PTPRK: variants seen among roughly 807,000 people sequenced by gnomAD.
PTPRK encodes protein tyrosine phosphatase receptor type K.
PTPRK carries 75 observed loss-of-function variants against 178.0 expected under a neutral mutation model. That is an observed-to-expected ratio of 0.42 (90% CI 0.35 to 0.51). The LOEUF (loss-of-function observed/expected upper bound fraction) is 0.51. Ranked by LOEUF, PTPRK falls within the 20% of genes least tolerant of loss-of-function variation. The pLI is 0.02. For missense variants in PTPRK, 1,441 were observed against 1,797.8 expected, an observed-to-expected ratio of 0.80 and a Z score of 3.59; for synonymous variants, 637 against 620.6, an observed-to-expected ratio of 1.03 and a Z score of -0.39.
rs182277506 is a variant in PTPRK at position 128,239,763 on chromosome 6, A to T, written c.693+272T>A. 2.5e-3 allele frequency among the ~76,000 whole-genome samples: 377 copies of T among 152,336 alleles called. 1 individual carries two copies. Among genetic ancestry groups the T allele is most frequent in the Non-Finnish European group, 4.3e-3 (292 of 68,038 alleles). ...TTCATATTTCAAATGGATCTACAGA[A>T]TTTTTTGCAGTTTGAATATAACAGA... On this transcript the variant is annotated intron_variant, in intron 5 of 29. Coordinates refer to ENST00000368226, the MANE Select transcript of PTPRK (RefSeq NM_002844.4).
intron 6 of PTPRK, among the ~76,000 whole-genome samples, chr6:128,210,085 G>A (rs954270707): frequency 6.6e-6 from 1 of 152,094 alleles, no homozygotes; most frequent in Non-Finnish European, 1.5e-5. Flanking sequence ...CAATAAGTAG[G>A]TTTTTTATAG....
intron 2 of PTPRK, among the ~76,000 whole-genome samples, chr6:128,351,917 A>G (rs891643648): frequency 3.9e-5 from 6 of 152,106 alleles, no homozygotes; most frequent in Non-Finnish European, 8.8e-5. Flanking sequence ...AGTCAGTTTT[A>G]CATTTTTCTA....
Position 127,977,016 on chromosome 6 carries a change from G to A in PTPRK, c.3750C>T (p.Tyr1250=), listed in dbSNP as rs140104338. ...AGTCTTTTACAGTGTTTGGCAGAGG[G>A]TATTGTGTGACGATGAAAGCAGCTG... ...RQPAAFIVTQ[Y]PLPNTVKDFW... Residue 1250 remains tyrosine (Y), a synonymous_variant, in exon 26 of 30, where the codon TAC becomes TAT. Transcript: ENST00000368226. The A allele has an allele frequency of 1.2e-6, 2 of 1,614,010 alleles. No individual in the cohort carries two copies. The highest frequency in any genetic ancestry group is 1.7e-6 in the Non-Finnish European group (2 of 1,179,920).
intron 13 of PTPRK, among the ~76,000 whole-genome samples, chr6:128,040,860 C>A (rs549585597): frequency 6.6e-6 from 1 of 151,938 alleles, no homozygotes; most frequent in Non-Finnish European, 1.5e-5. Flanking sequence ...AGAATGAGCT[C>A]TTGAATACAG....
intron 3 of PTPRK, among the ~76,000 whole-genome samples, chr6:128,244,855 A>G (rs749217708): frequency 6.6e-6 from 1 of 152,190 alleles, no homozygotes; most frequent in Non-Finnish European, 1.5e-5. Flanking sequence ...AGTTTTCCAA[A>G]AAGACCTAGG....
At chr6:128,357,791 T>G (rs1834153847) in intron 2 of PTPRK, among the ~76,000 whole-genome samples, 1 of 152,268 alleles carries the variant, frequency 6.6e-6, no homozygotes, top group African/African-American at 2.4e-5. Flanking sequence ...ATTATGCTGA[T>G]ATTGTAACTA....
chr6:128,406,781 T>G (rs1841708232), intron 1 of PTPRK, among the ~76,000 whole-genome samples: 1 of 152,226 alleles, frequency 6.6e-6, no homozygotes, highest in Admixed American at 6.5e-5. Context: ...TGAATCACAG[T>G]AACTTTCTCC....
chr6:128,332,198 T>C (rs911149458), intron 2 of PTPRK, among the ~76,000 whole-genome samples: 4 of 152,178 alleles, frequency 2.6e-5, no homozygotes, highest in African/African-American at 9.6e-5. Context: ...GGCCATTACT[T>C]TGACGAACAA....
intron 7 of PTPRK, among the ~76,000 whole-genome samples, chr6:128,180,259 A>T (rs1209907709): frequency 6.6e-6 from 1 of 152,028 alleles, no homozygotes; most frequent in Non-Finnish European, 1.5e-5. Flanking sequence ...GTATTTGCCT[A>T]GCTTCTATAC....
At chr6:128,477,888 G>A (rs562656224) in intron 1 of PTPRK, among the ~76,000 whole-genome samples, 32 of 152,146 alleles carry the variant, frequency 2.1e-4, no homozygotes, top group African/African-American at 6.3e-4. Flanking sequence ...TGAGGCCTTT[G>A]AGGATAATTT....
At chr6:128,120,796 G>A (rs1420852748) in intron 7 of PTPRK, among the ~76,000 whole-genome samples, 2 of 151,726 alleles carry the variant, frequency 1.3e-5, no homozygotes, top group African/African-American at 4.8e-5. Flanking sequence ...TTGTTATAGG[G>A]AATATAACGC....
intron 3 of PTPRK, among the ~76,000 whole-genome samples, chr6:128,288,418 T>G (rs1293450704): frequency 6.6e-6 from 1 of 152,202 alleles, no homozygotes. Context: ...TCTATCTGCA[T>G]ACTCAATTTT....
chr6:127,971,521 A>G (rs1000023139), intron 29 of PTPRK, among the ~76,000 whole-genome samples: 1 of 152,078 alleles, frequency 6.6e-6, no homozygotes, highest in African/African-American at 2.4e-5. Context: ...TGTCTCTTTA[A>G]GCAGTCTCCA....
At chr6:128,474,726 C>G (rs1002576273) in intron 1 of PTPRK, among the ~76,000 whole-genome samples, 1 of 152,130 alleles carries the variant, frequency 6.6e-6, no homozygotes, top group East Asian at 1.9e-4. Flanking sequence ...AAAATGTATG[C>G]CCCAAACTGT....
chr6:128,026,574 C>T (rs886864424), intron 13 of PTPRK, among the ~76,000 whole-genome samples: 14 of 152,090 alleles, frequency 9.2e-5, no homozygotes, highest in Middle Eastern at 3.4e-3. Flanking sequence ...ATTTAAAGTA[C>T]CTAGAAGTAT....
rs1302392402 is a variant in PTPRK at position 128,268,196 on chromosome 6, C to T, written c.496-25594G>A. Among the ~76,000 whole-genome samples the T allele has an allele frequency of 2.6e-5, 4 of 152,014 alleles. No homozygotes were observed. In the South Asian group the frequency reaches 8.3e-4, roughly 32 times the overall value. On this transcript the variant is annotated intron_variant, in intron 3 of 29. Coordinates refer to ENST00000368226, the MANE Select transcript of PTPRK (RefSeq NM_002844.4). Reference sequence around the variant, plus strand: ...TACCTGAACCTTTCCCATTCTCATGCCCTAGAGGTGTGTGATTATCTTATA... The same window carrying T: ...TACCTGAACCTTTCCCATTCTCATGTCCTAGAGGTGTGTGATTATCTTATA...
At chr6:128,250,912 G>A (rs568341027) in intron 3 of PTPRK, among the ~76,000 whole-genome samples, 1 of 152,302 alleles carries the variant, frequency 6.6e-6, no homozygotes, top group South Asian at 2.1e-4. Context: ...TCCTCTCATA[G>A]ACACTGGCAA....
intron 3 of PTPRK, among the ~76,000 whole-genome samples, chr6:128,316,225 C>T (rs180825218): frequency 6.6e-6 from 1 of 152,290 alleles, no homozygotes; most frequent in African/African-American, 2.4e-5. Context: ...AAAGTGAGTG[C>T]TAGTTGAGAA....
intron 6 of PTPRK, among the ~76,000 whole-genome samples, chr6:128,191,074 G>T (rs989935309): frequency 6.6e-6 from 1 of 152,112 alleles, no homozygotes; most frequent in Non-Finnish European, 1.5e-5. Context: ...AGTAACTTCT[G>T]AGAACCATGA....
Sources: gnomAD v4.1 joint callset for allele counts (sites outside exome capture counted in the v4.1 genomes callset) on GRCh38, gnomAD v4.1.1 for gene constraint, MANE v1.5 for transcripts, NCBI Gene and HGNC (gene_info 2026-07-23, HGNC 2026-07-21) for gene names.